The following TPCN1 variants were observed in gnomAD, a reference collection of about 807,000 sequenced individuals.
TPCN1 encodes the protein two pore segment channel 1.
A neutral mutation model predicts 108.8 loss-of-function variants in TPCN1; 52 were observed. The ratio of observed to expected loss-of-function variants is 0.48; its 90% CI spans 0.38 to 0.60. The LOEUF (loss-of-function observed/expected upper bound fraction) is 0.60. TPCN1 is among the 20% of genes least tolerant of loss of function. The pLI, the probability that TPCN1 is intolerant of heterozygous loss-of-function variation, is 0.00. For synonymous variants in TPCN1, 446 were observed against 433.7 expected (o/e 1.03, Z -0.35); for missense variants, 806 against 1,072.8 (o/e 0.75, Z 3.47).
chr12:113,288,904 C>T lies in TPCN1; in HGVS notation c.1796+57C>T. The T allele has an allele frequency of 6.4e-7, 1 of 1,566,168 alleles. No individual in the cohort carries two copies. The highest frequency in any genetic ancestry group is 8.8e-7 in the Non-Finnish European group (1 of 1,139,780). ...TGCATTTCCCGGGCAGAGGGCTGGC[C>T]AGGGCCAGGATTGGTGTCCTTGTGG... On this transcript the variant is annotated intron_variant, in intron 21 of 27. Coordinates refer to ENST00000335509, the MANE Select transcript of TPCN1 (RefSeq NM_017901.6). The surrounding 1 kb of genome is among the most constrained non-coding windows in gnomAD (Gnocchi z 4.8).
intron 1 of TPCN1, among the ~76,000 whole-genome samples, chr12:113,226,139 T>C (rs1953462709): frequency 6.6e-6 from 1 of 151,818 alleles, no homozygotes; most frequent in East Asian, 1.9e-4. Context: ...CAGGCTGATC[T>C]CAAATTCCTG....
In TPCN1 at chr12:113,268,263, G is replaced by A. The variant is rs905573409; in HGVS notation, c.528+307G>A. 6.6e-6 allele frequency among the ~76,000 whole-genome samples: 1 copy of A among 152,226 alleles called. No homozygotes were observed. The highest frequency in any genetic ancestry group is 6.5e-5 in the Admixed American group (1 of 15,286). ...AGACATGGGGCTCACACCCAGCTCT[G>A]CCCACTGCGCCCGGCTCACCTGTCC... On this transcript the variant is annotated intron_variant, in intron 5 of 27. Coordinates refer to ENST00000335509, the MANE Select transcript of TPCN1 (RefSeq NM_017901.6). The surrounding 1 kb of genome is among the most constrained non-coding windows in gnomAD (Gnocchi z 7.3).
intron 3 of TPCN1, among the ~76,000 whole-genome samples, chr12:113,263,539 G>T (rs1285339841): frequency 6.6e-6 from 1 of 152,244 alleles, no homozygotes; most frequent in African/African-American, 2.4e-5. Context: ...GGGATTACAG[G>T]CATGAGCCTC....
intron 2 of TPCN1, among the ~76,000 whole-genome samples, chr12:113,255,946 C>T (rs751130864): frequency 6.6e-6 from 1 of 151,980 alleles, no homozygotes; most frequent in South Asian, 2.1e-4. Context: ...CCACCTCAGC[C>T]TCCTGAGTAG....
Position 113,288,022 on chromosome 12 carries a change from C to A in TPCN1, c.1635-141C>A. 1 of 784,646 alleles carries A rather than the reference C, an allele frequency of 1.3e-6. No homozygotes were observed. The highest frequency in any genetic ancestry group is 2.0e-6 in the Non-Finnish European group (1 of 491,486). The allele number at this position is 784,646 out of a possible 1,614,324, so 48.6% of individuals were successfully genotyped here. On this transcript the variant is annotated intron_variant, in intron 19 of 27. Transcript: ENST00000335509. The surrounding 1 kb of genome is among the most constrained non-coding windows in gnomAD (Gnocchi z 4.8). ...AGCCCAGCTCAGGGTTGGTGGCGCC[C>A]AAGGGAGTGGACGCAGGTGGAGGAG... is the stretch of plus-strand genomic sequence containing the variant.
rs1955411271 is a variant in TPCN1 at position 113,269,571 on chromosome 12, T to A, written c.660-186T>A. 6.6e-6 allele frequency among the ~76,000 whole-genome samples: 1 copy of A among 152,084 alleles called. No homozygotes were observed. The highest frequency in any genetic ancestry group is 2.1e-4 in the South Asian group (1 of 4,822). On this transcript the variant is annotated intron_variant, in intron 6 of 27. Coordinates refer to ENST00000335509, the MANE Select transcript of TPCN1 (RefSeq NM_017901.6). This position sits in a 1 kb window ranked among gnomAD's most constrained non-coding sequence, Gnocchi z 5.0. The stretch of plus-strand genomic sequence containing the variant: ...TGTGTGCTACGCCTGCCCTAGTTCT[T>A]CCCTGCCATCCGCTGAGTGGGGGTC...
chr12:113,244,219 A>T (rs1243152913), intron 2 of TPCN1: 1 of 720,896 alleles, frequency 1.4e-6, no homozygotes, highest in African/African-American at 1.9e-5. Context: ...CCTCTAGAAC[A>T]GGGCTTGACC....
rs757709971 is a variant in TPCN1 at position 113,277,237 on chromosome 12, C to A, written c.1060-3C>A. On this transcript the variant is annotated splice_polypyrimidine_tract_variant and splice_region_variant and intron_variant, in intron 11 of 27. Coordinates refer to ENST00000335509, the MANE Select transcript of TPCN1 (RefSeq NM_017901.6). ...TTCCACACTGCTCTTCCCTCTCCCC[C>A]AGAGGCCTGCCGGCATCTCCTACAG... is the stretch of plus-strand genomic sequence containing the variant. The A allele has an allele frequency of 3.7e-6, 6 of 1,612,568 alleles. No homozygotes were observed. The highest frequency in any genetic ancestry group is 4.2e-6 in the Non-Finnish European group (5 of 1,179,280).
Position 113,280,207 on chromosome 12 carries a change from A to AC in TPCN1, c.1342+12_1342+13insC, listed in dbSNP as rs1566190816. ...CCAGTATTTCATGTGTAAGTGTGAAATATCTCCACTCTAGGCCACTTTCCC... is the reference window on the plus strand; with the variant it reads ...CCAGTATTTCATGTGTAAGTGTGAAACTATCTCCACTCTAGGCCACTTTCCC... On this transcript the variant is annotated intron_variant, in intron 15 of 27. Coordinates refer to ENST00000335509, the MANE Select transcript of TPCN1 (RefSeq NM_017901.6). 10 of 1,606,622 alleles carry AC rather than the reference A, an allele frequency of 6.2e-6. No individual in the cohort carries two copies. The Admixed American group carries it at 1.7e-4, about 27-fold the overall frequency.
intron 3 of TPCN1, among the ~76,000 whole-genome samples, chr12:113,261,778 C>T (rs567204914): frequency 1.3e-5 from 2 of 152,096 alleles, no homozygotes; most frequent in African/African-American, 2.4e-5. Context: ...ATTTACTTAA[C>T]CTGATAATCT....
In TPCN1 at chr12:113,232,909, G is replaced by C. The variant is rs1953742705; in HGVS notation, c.112+5945G>C. On this transcript the variant is annotated intron_variant, in intron 2 of 27. Coordinates refer to ENST00000335509, the MANE Select transcript of TPCN1 (RefSeq NM_017901.6). This position sits in a 1 kb window ranked among gnomAD's most constrained non-coding sequence, Gnocchi z 5.6. ...CCCTGCCAAGCTGGGACGCCTCCGT[G>C]TAGCAGCTGGAGACCAAGCAGCAAT... 6.6e-6 allele frequency among the ~76,000 whole-genome samples: 1 copy of C among 152,218 alleles called. No individual in the cohort carries two copies. Among genetic ancestry groups the C allele is most frequent in the Admixed American group, 6.5e-5 (1 of 15,278 alleles).
chr12:113,277,078 C>A (rs1566185931), intron 11 of TPCN1, 43 bp downstream of exon 11: 1 of 1,598,788 alleles, frequency 6.3e-7, no homozygotes, highest in South Asian at 1.1e-5. Context: ...CCTGTCCTCC[C>A]TCCCTTGCCC....
At chr12:113,228,284 C>T (rs1953547565) in intron 2 of TPCN1, among the ~76,000 whole-genome samples, 1 of 152,186 alleles carries the variant, frequency 6.6e-6, no homozygotes, top group Admixed American at 6.5e-5. Context: ...CTGCTCCTCC[C>T]TCTCCTTTTT....
At chr12:113,281,681 G>C (rs1338225895) in intron 15 of TPCN1, among the ~76,000 whole-genome samples, 1 of 152,130 alleles carries the variant, frequency 6.6e-6, no homozygotes, top group African/African-American at 2.4e-5. Flanking sequence ...TGGGACCACA[G>C]GTGCATGCCA....
chr12:113,284,881 A>G lies in TPCN1; in HGVS notation c.1453+110A>G. On this transcript the variant is annotated intron_variant, in intron 17 of 27. Transcript: ENST00000335509. This position sits in a 1 kb window ranked among gnomAD's most constrained non-coding sequence, Gnocchi z 4.1. ...TTCTCTAAAACAGGAAGCTATAAAG[A>G]GACGGAGTAATCAGTCTGATTCCAT... 1 of 1,240,118 alleles carries G rather than the reference A, an allele frequency of 8.1e-7. No individual in the cohort carries two copies. The allele number at this position is 1,240,118 out of a possible 1,614,324, so 76.8% of individuals were successfully genotyped here.
At chr12:113,292,743 G>A (rs374070359) in intron 25 of TPCN1, 191 bp from the exon 26 acceptor site, 36 of 605,546 alleles carry the variant, frequency 5.9e-5, no homozygotes, top group African/African-American at 4.4e-4. Flanking sequence ...CTAGACCTGC[G>A]CTCCTGACAT....
chr12:113,260,994 A>G (rs1179541170), intron 3 of TPCN1, among the ~76,000 whole-genome samples: 1 of 151,984 alleles, frequency 6.6e-6, no homozygotes, highest in Non-Finnish European at 1.5e-5. Flanking sequence ...GGAGTTCGAG[A>G]TCAGCCTGGC....
rs1234719242 is a variant in TPCN1 at position 113,272,866 on chromosome 12, T to C, written c.783+174T>C. Among the ~76,000 whole-genome samples, 1 of 152,180 alleles carries C rather than the reference T, an allele frequency of 6.6e-6. No individual in the cohort carries two copies. Among genetic ancestry groups the C allele is most frequent in the Admixed American group, 6.5e-5 (1 of 15,284 alleles). ...TCCCATCACTCAGACTTGACCACTT[T>C]CTTCCTTGAGAGCTGGGGATCCCCT... On this transcript the variant is annotated intron_variant, in intron 8 of 27. Coordinates refer to ENST00000335509, the MANE Select transcript of TPCN1 (RefSeq NM_017901.6). The surrounding 1 kb of genome is among the most constrained non-coding windows in gnomAD (Gnocchi z 4.1).
chr12:113,285,446 C>T (rs947201436), intron 17 of TPCN1, among the ~76,000 whole-genome samples: 1 of 152,218 alleles, frequency 6.6e-6, no homozygotes, highest in Non-Finnish European at 1.5e-5. Flanking sequence ...TCATAGCTCA[C>T]TGCAACCTCA....
Sources: gnomAD v4.1 joint callset for allele counts (sites outside exome capture counted in the v4.1 genomes callset) on GRCh38, gnomAD v4.1.1 for gene constraint, Gnocchi (gnomAD v3.1) non-coding constraint, MANE v1.5 for transcripts, NCBI Gene and HGNC (gene_info 2026-07-23, HGNC 2026-07-21) for gene names.